The following PHLDB2 variants were observed in gnomAD, a reference collection of about 807,000 sequenced individuals.
The protein encoded by PHLDB2 is pleckstrin homology-like domain family B member 2.
A neutral mutation model predicts 123.6 loss-of-function variants in PHLDB2; 71 were observed. The observed-to-expected ratio is 0.57, with a 90% CI of 0.47 to 0.70. The LOEUF (loss-of-function observed/expected upper bound fraction) is 0.70, where lower values mean the gene tolerates loss of function less well. PHLDB2 is among the 30% of genes least tolerant of loss of function. The pLI, the probability that PHLDB2 is intolerant of heterozygous loss-of-function variation, is 0.00. For synonymous variants in PHLDB2, 547 were observed against 541.6 expected (o/e 1.01, Z -0.14); for missense variants, 1,446 against 1,519.5 (o/e 0.95, Z 0.80).
At chr3:111,953,186 A>G (rs756835866) in intron 11 of PHLDB2, among the ~76,000 whole-genome samples, 10 of 152,180 alleles carry the variant, frequency 6.6e-5, no homozygotes, top group Non-Finnish European at 1.5e-4. Context: ...ACTGAGGTGT[A>G]TAAGGCTAAG....
intron 2 of PHLDB2, among the ~76,000 whole-genome samples, chr3:111,851,087 C>T (rs985611412): frequency 3.4e-5 from 5 of 147,940 alleles, no homozygotes; most frequent in East Asian, 2.0e-4. Flanking sequence ...CCCAGCTACT[C>T]GGGAGGCTGA....
At chr3:111,808,492 GT>G (rs35656564) in intron 1 of PHLDB2, among the ~76,000 whole-genome samples, 11,620 of 146,664 alleles carry the variant, frequency 0.079, 779 homozygotes, top group East Asian at 0.3. Context: ...TATATTCTGG[GT>G]TTTTTTTTTT....
intron 2 of PHLDB2, among the ~76,000 whole-genome samples, chr3:111,901,941 CTG>C (rs2067228137): frequency 6.6e-6 from 1 of 152,122 alleles, no homozygotes; most frequent in African/African-American, 2.4e-5. Flanking sequence ...GAGAAATACA[CTG>C]TTTTCTCCTT....
At chr3:111,776,906 T>C (rs1050822551) in intron 1 of PHLDB2, among the ~76,000 whole-genome samples, 1 of 152,074 alleles carries the variant, frequency 6.6e-6, no homozygotes, top group Non-Finnish European at 1.5e-5. Context: ...TCCAAGGAAA[T>C]AGAAAATAGA....
rs933274859 is a variant in PHLDB2, at chr3:111,969,881, G to A, written c.3507G>A (p.Arg1169=). Residue 1169 remains arginine, a synonymous_variant, in exon 16 of 18, where the codon CGG becomes CGA. Coordinates refer to ENST00000431670, the MANE Select transcript of PHLDB2 (RefSeq NM_001134438.2). ...AAAAACGTTGGTTTGTTTTTGATCGGAACAAGCGAACATTCTCTTATTATG... is the reference window on the plus strand; with the variant it reads ...AAAAACGTTGGTTTGTTTTTGATCGAAACAAGCGAACATTCTCTTATTATG... The part of the protein sequence containing the change: ...TWKKRWFVFD[R]NKRTFSYYAD... The A allele has an allele frequency of 1.2e-6, 2 of 1,613,790 alleles. No homozygotes were observed. The highest frequency in any genetic ancestry group is 2.7e-5 in the African/African-American group (2 of 74,886).
At chr3:111,818,630 G>A (rs2062212882) in intron 1 of PHLDB2, among the ~76,000 whole-genome samples, 1 of 152,198 alleles carries the variant, frequency 6.6e-6, no homozygotes. Flanking sequence ...AAAGCTCTTT[G>A]CAGTCATGGC....
chr3:111,936,736 A>G (rs111579329), intron 6 of PHLDB2, among the ~76,000 whole-genome samples: 17 of 152,344 alleles, frequency 1.1e-4, no homozygotes, highest in African/African-American at 4.1e-4. Flanking sequence ...AAGTGTATAT[A>G]TTCTGAGTCA....
chr3:111,794,341 C>T (rs1381945493), intron 1 of PHLDB2, among the ~76,000 whole-genome samples: 1 of 152,128 alleles, frequency 6.6e-6, no homozygotes, highest in Admixed American at 6.5e-5. Context: ...CAGATTCTTT[C>T]TCTGGGCCAT....
chr3:111,794,989 GTC>G (rs1229133209), intron 1 of PHLDB2, among the ~76,000 whole-genome samples: 2 of 152,156 alleles, frequency 1.3e-5, no homozygotes, highest in Admixed American at 6.5e-5. Context: ...CAGGAGCATT[GTC>G]TCAAAATTTC....
rs2070520524 is a variant in PHLDB2, at chr3:111,949,088, G to A, written c.2631+13G>A. The A allele has an allele frequency of 6.2e-7, 1 of 1,612,564 alleles. No individual in the cohort carries two copies. Among genetic ancestry groups the A allele is most frequent in the Non-Finnish European group, 8.5e-7 (1 of 1,179,660 alleles). On this transcript the variant is annotated intron_variant, in intron 10 of 17. Transcript: ENST00000431670. ...ACAGAGTAAAGAGGTGTGTAGGCAT[G>A]ACGTTTCATTCATTCACTGCTTTTC...
At chr3:111,924,391 A>G (rs557017968) in intron 5 of PHLDB2, among the ~76,000 whole-genome samples, 2 of 152,258 alleles carry the variant, frequency 1.3e-5, no homozygotes, top group South Asian at 4.1e-4. Context: ...CAGGCAGGAT[A>G]CTGCCCAGTG....
intron 12 of PHLDB2, among the ~76,000 whole-genome samples, chr3:111,956,834 G>A (rs1026866752): frequency 1.3e-5 from 2 of 152,146 alleles, no homozygotes; most frequent in African/African-American, 4.8e-5. Context: ...ATTTAGAATT[G>A]TTTGACTAGC....
intron 10 of PHLDB2, among the ~76,000 whole-genome samples, chr3:111,950,229 GTTATC>G (rs963707618): frequency 3.3e-5 from 5 of 152,130 alleles, no homozygotes; most frequent in Non-Finnish European, 4.4e-5. Context: ...AGTATAAAGA[GTTATC>G]TTATCAACAC....
intron 1 of PHLDB2, among the ~76,000 whole-genome samples, chr3:111,798,292 C>G (rs535326759): frequency 2.6e-5 from 4 of 151,962 alleles, no homozygotes; most frequent in Admixed American, 2.0e-4. Flanking sequence ...TGAGAGTGCT[C>G]TAATTTTTCA....
chr3:111,825,580 T>C (rs932328156), intron 1 of PHLDB2, among the ~76,000 whole-genome samples: 2 of 152,220 alleles, frequency 1.3e-5, no homozygotes, highest in African/African-American at 4.8e-5. Context: ...CCTGAGTAGC[T>C]GGGATTACAG....
chr3:111,825,950 A>G (rs2062634632), intron 1 of PHLDB2, among the ~76,000 whole-genome samples: 1 of 152,116 alleles, frequency 6.6e-6, no homozygotes, highest in Non-Finnish European at 1.5e-5. Flanking sequence ...AGTTTTCTGT[A>G]ATAAAATTTG....
chr3:111,939,927 T>G (rs2069756923), intron 7 of PHLDB2, among the ~76,000 whole-genome samples: 1 of 152,258 alleles, frequency 6.6e-6, no homozygotes, highest in Admixed American at 6.5e-5. Flanking sequence ...GTAACTGGGT[T>G]CAGAATAATT....
intron 5 of PHLDB2, among the ~76,000 whole-genome samples, chr3:111,923,071 C>G (rs1158666740): frequency 1.3e-5 from 2 of 151,564 alleles, no homozygotes; most frequent in East Asian, 3.9e-4. Flanking sequence ...TACCTTATCT[C>G]TCTTCTCTTC....
chr3:111,968,215 G>A (rs1037871838), intron 15 of PHLDB2, among the ~76,000 whole-genome samples: 15 of 152,128 alleles, frequency 9.9e-5, no homozygotes, highest in African/African-American at 3.1e-4. Flanking sequence ...TTTGCTTGGG[G>A]AATGGAAGAG....
Sources: allele counts gnomAD v4.1 joint callset (sites outside exome capture counted in the v4.1 genomes callset), GRCh38; gene constraint gnomAD v4.1.1; transcripts MANE v1.5; gene names NCBI Gene and HGNC (gene_info 2026-07-23, HGNC 2026-07-21).